Variants in PECAM1 observed in about 807,000 individuals in gnomAD.
The protein encoded by PECAM1 is platelet endothelial cell adhesion molecule.
Under a neutral mutation model 13.8 loss-of-function variants are expected in PECAM1, and 8 were observed. That is an observed-to-expected ratio of 0.58 (90% CI 0.34 to 1.05). PECAM1 has a LOEUF of 1.05. Among genes scored for constraint, PECAM1 ranks in the 50% least tolerant of loss-of-function variants. The pLI, the probability that PECAM1 is intolerant of heterozygous loss-of-function variation, is 0.03. For synonymous variants in PECAM1, 136 were observed against 52.6 expected (o/e 2.58, Z -6.86); for missense variants, 304 against 141.2 (o/e 2.15, Z -5.84).
intron 13 of PECAM1, among the ~76,000 whole-genome samples, 174 bp downstream of exon 13, chr17:64,348,086 G>A (rs2035626887): frequency 6.6e-6 from 1 of 152,054 alleles, no homozygotes; most frequent in South Asian, 2.1e-4. Context: ...CAGGGCCAGG[G>A]CCAGGGGCCT....
At chr17:64,368,885 T>C (rs2036171194) in intron 5 of PECAM1, among the ~76,000 whole-genome samples, 4 of 147,054 alleles carry the variant, frequency 2.7e-5, no homozygotes, top group Non-Finnish European at 6.0e-5. Flanking sequence ...AAAGAAAATG[T>C]ATATAAACCC....
intron 13 of PECAM1, among the ~76,000 whole-genome samples, chr17:64,343,449 C>T (rs1362275127): frequency 3.3e-5 from 5 of 152,160 alleles, no homozygotes; most frequent in Admixed American, 6.5e-5. Context: ...CACAACACAC[C>T]GATGTGACTT....
At chr17:64,344,477 A>G (rs1261473702) in intron 13 of PECAM1, among the ~76,000 whole-genome samples, 4 of 152,058 alleles carry the variant, frequency 2.6e-5, no homozygotes, top group African/African-American at 7.2e-5. Flanking sequence ...GTCTCAGAGC[A>G]AACATGCAGC....
Position 64,330,270 on chromosome 17 carries a change from T to C in PECAM1, c.2165-548A>G, listed in dbSNP as rs1441453853. Among the ~76,000 whole-genome samples, 3 of 152,178 alleles carry C rather than the reference T, an allele frequency of 2.0e-5. No homozygotes were observed. In the East Asian group the frequency reaches 5.8e-4, roughly 30 times the overall value. ...CTGGCCTCAGGTGATCTGCCAACCC[T>C]GGCCTCCCAAAGTGCTGGGATTACA... On this transcript the variant is annotated intron_variant, in intron 14 of 15. Coordinates refer to ENST00000563924, the MANE Select transcript of PECAM1 (RefSeq NM_000442.5).
At chr17:64,390,462 C>A (rs1457998028) in intron 2 of PECAM1, 27 bp downstream of exon 2, 1 of 471,584 alleles carries the variant, frequency 2.1e-6, no homozygotes, top group Non-Finnish European at 3.9e-6. Flanking sequence ...GTAGAAACAT[C>A]TGTTACAGTG....
intron 2 of PECAM1, among the ~76,000 whole-genome samples, chr17:64,386,275 C>T (rs928748889): frequency 4.6e-5 from 7 of 151,798 alleles, no homozygotes; most frequent in East Asian, 3.9e-4. Context: ...CATGGTGGTT[C>T]GTGCCTGTAA....
chr17:64,321,573 C>T lies in PECAM1; in HGVS notation c.*2243G>A, dbSNP rs1273735849. On this transcript the variant is annotated 3_prime_UTR_variant, in exon 16 of 16. Coordinates refer to ENST00000563924, the MANE Select transcript of PECAM1 (RefSeq NM_000442.5). ...AGAAGTTCGAGACCAGCCTGGGCAC[C>T]ATGGTGAAACCTCATCTCTGCAAAA... The T allele has an allele frequency of 1.7e-5, 9 of 520,526 alleles. No homozygotes were observed. Among genetic ancestry groups the T allele is most frequent in the Non-Finnish European group, 2.4e-5 (9 of 382,060 alleles). The allele number at this position is 520,526 out of a possible 1,614,324, so 32.2% of individuals were successfully genotyped here.
chr17:64,325,346 C>T (rs1158155322), intron 15 of PECAM1, among the ~76,000 whole-genome samples: 1 of 151,990 alleles, frequency 6.6e-6, no homozygotes, highest in Non-Finnish European at 1.5e-5. Context: ...CAAGATTGCG[C>T]CACTGCACTC....
chr17:64,360,093 G>T, intron 7 of PECAM1, 47 bp downstream of exon 7: 2 of 475,236 alleles, frequency 4.2e-6, no homozygotes, highest in South Asian at 1.3e-4. Flanking sequence ...GGGCGTGAAA[G>T]AATGCCCCAA....
At chr17:64,345,249 C>T (rs974746724) in intron 13 of PECAM1, among the ~76,000 whole-genome samples, 5 of 152,116 alleles carry the variant, frequency 3.3e-5, no homozygotes, top group African/African-American at 1.2e-4. Flanking sequence ...GTGGGCAGAT[C>T]ACTGAAGGTT....
At chr17:64,378,387 A>C (rs1220969602) in intron 2 of PECAM1, among the ~76,000 whole-genome samples, 3 of 152,180 alleles carry the variant, frequency 2.0e-5, no homozygotes, top group Non-Finnish European at 4.4e-5. Context: ...CACGCCTATA[A>C]TCCCAGCACT....
intron 2 of PECAM1, 151 bp downstream of exon 2, chr17:64,390,338 C>T (rs1418401892): frequency 2.5e-6 from 1 of 407,732 alleles, no homozygotes; most frequent in Admixed American, 4.4e-5. Flanking sequence ...AAAATGCCCA[C>T]ATGGGATAAA....
intron 4 of PECAM1, among the ~76,000 whole-genome samples, chr17:64,371,632 C>T (rs1248964333): frequency 6.6e-6 from 1 of 152,142 alleles, no homozygotes. Flanking sequence ...GAGTTTAAGA[C>T]CAGCCTGGCC....
chr17:64,362,606 T>C (rs1372106374), intron 6 of PECAM1, among the ~76,000 whole-genome samples: 1 of 151,730 alleles, frequency 6.6e-6, no homozygotes, highest in African/African-American at 2.4e-5. Flanking sequence ...GAGCCCAGAT[T>C]GTGCCACTGC....
In PECAM1 at chr17:64,363,245, T is replaced by C. The variant is rs1276347562; in HGVS notation, c.1120A>G (p.Lys374Glu). ...TIVSQTQDFT[K>E]IASKSDSGTY... ...CCACTGTCCGACTTTGAGGCTATCT[T>C]GGTGAAATCTTGAGTCTGTGACACA... Residue 374 changes from lysine (K) to glutamate (E), a missense_variant, in exon 6 of 16, where the codon AAG becomes GAG. Physicochemically the swap from Lys to Glu is moderately conservative, Grantham distance 56. Coordinates refer to ENST00000563924, the MANE Select transcript of PECAM1 (RefSeq NM_000442.5). 6 of 475,312 alleles carry C rather than the reference T, an allele frequency of 1.3e-5. No individual in the cohort carries two copies. Among genetic ancestry groups the C allele is most frequent in the Non-Finnish European group, 2.3e-5 (6 of 259,092 alleles). 29.4% of individuals were successfully genotyped at this position (475,312 alleles called of 1,614,324 possible).
intron 14 of PECAM1, among the ~76,000 whole-genome samples, chr17:64,333,837 G>A (rs1431025558): frequency 6.7e-6 from 1 of 148,964 alleles, no homozygotes. Flanking sequence ...GTGCATGCCT[G>A]TAGTCCCAGC....
rs892770176 is a variant in PECAM1, at chr17:64,386,616, G to A, written c.91+3873C>T. Among the ~76,000 whole-genome samples the A allele has an allele frequency of 6.4e-3, 973 of 152,176 alleles. 10 individuals carry two copies. Among genetic ancestry groups the A allele is most frequent in the African/African-American group, 0.022 (922 of 41,510 alleles). On this transcript the variant is annotated intron_variant, in intron 2 of 15. Coordinates refer to ENST00000563924, the MANE Select transcript of PECAM1 (RefSeq NM_000442.5). Reference sequence around the variant, plus strand: ...GGATTAGATTCCCAGGAGGATGTGTGTGCCACCAAACTAAAATAGAAAATG... The same window carrying A: ...GGATTAGATTCCCAGGAGGATGTGTATGCCACCAAACTAAAATAGAAAATG...
intron 2 of PECAM1, among the ~76,000 whole-genome samples, chr17:64,384,753 A>T (rs2036557673): frequency 6.6e-6 from 1 of 152,240 alleles, no homozygotes; most frequent in African/African-American, 2.4e-5. Context: ...CCACTCCTGC[A>T]TTCCTGACCC....
intron 2 of PECAM1, among the ~76,000 whole-genome samples, chr17:64,384,914 A>T (rs8067406): frequency 1.3e-5 from 2 of 152,250 alleles, no homozygotes; most frequent in African/African-American, 2.4e-5. Flanking sequence ...AAACATTATC[A>T]TCTTTCTAAA....
Sources: gnomAD v4.1 joint callset for allele counts (sites outside exome capture counted in the v4.1 genomes callset) on GRCh38, gnomAD v4.1.1 for gene constraint, MANE v1.5 for transcripts, NCBI Gene and HGNC (gene_info 2026-07-23, HGNC 2026-07-21) for gene names.